The following MSRA variants were observed in gnomAD, a reference collection of about 807,000 sequenced individuals.
MSRA encodes mitochondrial peptide methionine sulfoxide reductase.
In MSRA, 54 loss-of-function variants were observed where a neutral mutation model predicts 31.3. The ratio of observed to expected loss-of-function variants is 1.73; its 90% CI spans 1.39 to 2.17. The LOEUF (loss-of-function observed/expected upper bound fraction) is 2.17, where lower values mean the gene tolerates loss of function less well. MSRA is among the 30% of genes most tolerant of loss of function. The pLI is 0.00. For missense variants in MSRA, 507 were observed against 300.9 expected, an observed-to-expected ratio of 1.69 and a Z score of -5.07; for synonymous variants, 169 against 116.5, an observed-to-expected ratio of 1.45 and a Z score of -2.90.
intron 1 of MSRA, among the ~76,000 whole-genome samples, chr8:10,155,002 T>TA (rs1554468813): frequency 1.6e-5 from 2 of 123,898 alleles, no homozygotes; most frequent in South Asian, 2.9e-4. Flanking sequence ...TGTATATATT[T>TA]TATATATATA....
chr8:10,237,977 C>A (rs573653786), intron 2 of MSRA, among the ~76,000 whole-genome samples: 2 of 152,284 alleles, frequency 1.3e-5, no homozygotes, highest in African/African-American at 4.8e-5. Context: ...TAAGTTTTAT[C>A]ATTTCCTCTC....
At chr8:10,399,036 T>C (rs1457069733) in intron 5 of MSRA, among the ~76,000 whole-genome samples, 1 of 152,226 alleles carries the variant, frequency 6.6e-6, no homozygotes, top group African/African-American at 2.4e-5. Flanking sequence ...TTTGGATTGA[T>C]AAACTGCCTA....
chr8:10,406,947 G>C (rs1400533395), intron 5 of MSRA, among the ~76,000 whole-genome samples: 1 of 152,150 alleles, frequency 6.6e-6, no homozygotes, highest in Non-Finnish European at 1.5e-5. Context: ...TGATCTTCTG[G>C]GCTCCCTGTG....
At chr8:10,383,981 C>A (rs1806231702) in intron 5 of MSRA, among the ~76,000 whole-genome samples, 1 of 152,198 alleles carries the variant, frequency 6.6e-6, no homozygotes, top group African/African-American at 2.4e-5. Flanking sequence ...GCTGCAGCCA[C>A]ATTCACGTTC....
chr8:10,119,680 C>T (rs756713462), intron 1 of MSRA, among the ~76,000 whole-genome samples: 1 of 152,120 alleles, frequency 6.6e-6, no homozygotes, highest in African/African-American at 2.4e-5. Flanking sequence ...TTGGAGAGCA[C>T]CAGGTTGTCA....
At chr8:10,204,399 A>C (rs2129058529) in intron 1 of MSRA, among the ~76,000 whole-genome samples, 1 of 152,324 alleles carries the variant, frequency 6.6e-6, no homozygotes, top group South Asian at 2.1e-4. Flanking sequence ...ATTTGTCATA[A>C]ATACCCTAGA....
chr8:10,121,367 T>C (rs150917010), intron 1 of MSRA, among the ~76,000 whole-genome samples: 2 of 152,222 alleles, frequency 1.3e-5, no homozygotes, highest in East Asian at 3.9e-4. Context: ...GGCTGGAGAT[T>C]GTGATTTTTG....
At chr8:10,234,760 A>G (rs1811811219) in intron 2 of MSRA, among the ~76,000 whole-genome samples, 1 of 152,078 alleles carries the variant, frequency 6.6e-6, no homozygotes, top group Non-Finnish European at 1.5e-5. Context: ...ACGCCTGGTA[A>G]ATGAATACAA....
intron 5 of MSRA, among the ~76,000 whole-genome samples, chr8:10,423,748 C>T (rs768725938): frequency 3.2e-4 from 48 of 152,304 alleles, no homozygotes; most frequent in African/African-American, 1.0e-3. Flanking sequence ...CTCTGTGACA[C>T]GGAAAGTGGC....
At chr8:10,316,055 A>G (rs1488480537) in intron 4 of MSRA, among the ~76,000 whole-genome samples, 2 of 152,226 alleles carry the variant, frequency 1.3e-5, no homozygotes, top group Admixed American at 6.5e-5. Flanking sequence ...TAGATATGGA[A>G]TAAATATGTG....
At chr8:10,404,719 C>T (rs1359760806) in intron 5 of MSRA, among the ~76,000 whole-genome samples, 1 of 152,250 alleles carries the variant, frequency 6.6e-6, no homozygotes, top group Non-Finnish European at 1.5e-5. Flanking sequence ...CTCGTGGCAC[C>T]TGCCTGGGGT....
chr8:10,317,112 G>T (rs1801769594), intron 4 of MSRA, among the ~76,000 whole-genome samples: 1 of 152,212 alleles, frequency 6.6e-6, no homozygotes, highest in Non-Finnish European at 1.5e-5. Flanking sequence ...AACATGGACA[G>T]TCCTGCTAAT....
At chr8:10,130,882 C>T (rs531123949) in intron 1 of MSRA, among the ~76,000 whole-genome samples, 1 of 152,178 alleles carries the variant, frequency 6.6e-6, no homozygotes, top group African/African-American at 2.4e-5. Context: ...GAATAGCCTT[C>T]TCAGGTTTTA....
At chr8:10,072,022 T>C (rs814407) in intron 1 of MSRA, among the ~76,000 whole-genome samples, 152,194 of 152,212 alleles carry the variant, frequency 1, 76,088 homozygotes, top group Non-Finnish European at 1. Flanking sequence ...GAGCACCCCT[T>C]TTGTACTGCA....
At chr8:10,294,637 C>G (rs1270174563) in intron 3 of MSRA, among the ~76,000 whole-genome samples, 1 of 152,206 alleles carries the variant, frequency 6.6e-6, no homozygotes, top group African/African-American at 2.4e-5. Context: ...ATCCTGCTGA[C>G]TGCAATGTGG....
intron 1 of MSRA, among the ~76,000 whole-genome samples, chr8:10,098,375 C>T (rs1038586914): frequency 2.0e-5 from 3 of 152,102 alleles, no homozygotes; most frequent in Admixed American, 2.0e-4. Flanking sequence ...CCTGAACATA[C>T]AAGCACATTA....
At chr8:10,294,572 C>T (rs1800424959) in intron 3 of MSRA, among the ~76,000 whole-genome samples, 1 of 152,178 alleles carries the variant, frequency 6.6e-6, no homozygotes, top group South Asian at 2.1e-4. Flanking sequence ...TTCTTGAGCT[C>T]TCCTCTCCAT....
rs1057048098 is a variant in MSRA, at chr8:10,302,035, C to T, written c.436+397C>T. On this transcript the variant is annotated intron_variant, in intron 4 of 5. Coordinates refer to ENST00000317173, the MANE Select transcript of MSRA (RefSeq NM_012331.5). Reference sequence around the variant, plus strand: ...TTATTTCTCTGAGTTTAGCCTTTCTCGTCTTTTGACGTTATCAGGTTGGAT... The same window carrying T: ...TTATTTCTCTGAGTTTAGCCTTTCTTGTCTTTTGACGTTATCAGGTTGGAT... 5.9e-5 allele frequency among the ~76,000 whole-genome samples: 9 copies of T among 152,260 alleles called. No homozygotes were observed. The East Asian group carries it at 9.6e-4, about 16-fold the overall frequency.
At chr8:10,328,831 T>C (rs1802528134) in intron 5 of MSRA, among the ~76,000 whole-genome samples, 1 of 152,200 alleles carries the variant, frequency 6.6e-6, no homozygotes, top group African/African-American at 2.4e-5. Context: ...AATCTTACTG[T>C]TGTGCAGTGA....
Sources: allele counts gnomAD v4.1 joint callset (sites outside exome capture counted in the v4.1 genomes callset), GRCh38; gene constraint gnomAD v4.1.1; transcripts MANE v1.5; gene names NCBI Gene and HGNC (gene_info 2026-07-23, HGNC 2026-07-21).